Variants in TRRAP observed in about 807,000 individuals in gnomAD.
TRRAP encodes transformation/transcription domain associated protein.
A neutral mutation model predicts 438.8 loss-of-function variants in TRRAP; 41 were observed. That is an observed-to-expected ratio of 0.09 (90% CI 0.07 to 0.12). The LOEUF (loss-of-function observed/expected upper bound fraction) is 0.12, where lower values mean the gene tolerates loss of function less well. TRRAP is among the 10% of genes least tolerant of loss of function. The pLI, the probability that TRRAP is intolerant of heterozygous loss-of-function variation, is 1.00. For missense variants in TRRAP, 3,122 were observed against 5,055.1 expected, an observed-to-expected ratio of 0.62 and a Z score of 11.60; for synonymous variants, 1,994 against 1,962.9, an observed-to-expected ratio of 1.02 and a Z score of -0.42.
chr7:98,879,608 G>A (rs1795327511), intron 1 of TRRAP, among the ~76,000 whole-genome samples: 1 of 152,192 alleles, frequency 6.6e-6, no homozygotes. Flanking sequence ...GCCTTGGGCC[G>A]ATGGAGATGG....
intron 3 of TRRAP, among the ~76,000 whole-genome samples, chr7:98,886,379 T>C (rs1011127424): frequency 6.6e-6 from 1 of 151,498 alleles, no homozygotes; most frequent in African/African-American, 2.4e-5. Context: ...GATATAGATA[T>C]CTAGAGAGAT....
intron 16 of TRRAP, 89 bp from the exon 17 acceptor site, chr7:98,910,988 A>T: frequency 8.9e-7 from 1 of 1,125,600 alleles, no homozygotes. Flanking sequence ...GCTCTATTTT[A>T]AGTATGCAGC....
At chr7:98,943,137 C>G in intron 31 of TRRAP, 120 bp downstream of exon 31, 1 of 978,264 alleles carries the variant, frequency 1.0e-6, no homozygotes, top group East Asian at 2.6e-5. Flanking sequence ...GATTGTAGTC[C>G]TTGTAAATTG....
At chr7:98,978,375 G>C (rs1792765545) in intron 57 of TRRAP, 52 bp downstream of exon 57, 2 of 1,497,098 alleles carry the variant, frequency 1.3e-6, no homozygotes, top group African/African-American at 2.8e-5. Flanking sequence ...AGGGAACCAG[G>C]GAAAAATCTC....
rs1465956669 is a variant in TRRAP at position 99,003,535 on chromosome 7, C to T, written c.10310-655C>T. On this transcript the variant is annotated intron_variant, in intron 67 of 72. Coordinates refer to ENST00000456197, the MANE Select transcript of TRRAP (RefSeq NM_001375524.1). ...CTCCTGGTTGTTGGGTTTCACAGGCCGCCCTCAGGCTCCTGTGTCTCCCAG... is the reference window on the plus strand; with the variant it reads ...CTCCTGGTTGTTGGGTTTCACAGGCTGCCCTCAGGCTCCTGTGTCTCCCAG... Among the ~76,000 whole-genome samples the T allele has an allele frequency of 3.3e-5, 5 of 152,158 alleles. No homozygotes were observed. The South Asian group carries it at 6.2e-4, about 19-fold the overall frequency.
chr7:98,984,522 G>A (rs1459094690), intron 61 of TRRAP, among the ~76,000 whole-genome samples, 164 bp downstream of exon 61: 3 of 152,078 alleles, frequency 2.0e-5, no homozygotes, highest in Non-Finnish European at 4.4e-5. Flanking sequence ...AACACAAAAG[G>A]GAAAGGAAGC....
At chr7:98,901,339 C>T (rs1796458370) in intron 11 of TRRAP, among the ~76,000 whole-genome samples, 1 of 152,200 alleles carries the variant, frequency 6.6e-6, no homozygotes, top group East Asian at 1.9e-4. Flanking sequence ...AGCCGTATGA[C>T]CTCACTGAAC....
At position 98,892,470 on chromosome 7, in the gene TRRAP, A is replaced by G; in HGVS notation, c.308A>G (p.Asn103Ser). The change falls in exon 5 of 73, where the codon AAC becomes AGC. Residue 103 changes from asparagine (N) to serine (S), a missense_variant. This residue lies in a region of TRRAP where 343 missense variants were observed against 564.0 expected (regional missense o/e 0.61). Transcript: ENST00000456197. ...VLEIIHRIPT[N>S]EHLRPHTKNV... ...GAAATAATTCATAGAATACCAACCAACGAACATCTTCGTCCTCACACAAAA... is the reference window on the plus strand; with the variant it reads ...GAAATAATTCATAGAATACCAACCAGCGAACATCTTCGTCCTCACACAAAA... 14 of 1,612,068 alleles carry G rather than the reference A, an allele frequency of 8.7e-6. No individual in the cohort carries two copies. Among genetic ancestry groups the G allele is most frequent in the Non-Finnish European group, 1.2e-5 (14 of 1,179,656 alleles).
chr7:98,966,404 A>G (rs901974634), intron 49 of TRRAP, among the ~76,000 whole-genome samples: 1 of 151,972 alleles, frequency 6.6e-6, no homozygotes, highest in African/African-American at 2.4e-5. Flanking sequence ...TCCTCTTAAA[A>G]TGTTAAATGA....
At chr7:98,964,925 G>A in intron 48 of TRRAP, 150 bp downstream of exon 48, 1 of 1,067,816 alleles carries the variant, frequency 9.4e-7, no homozygotes, top group Non-Finnish European at 1.3e-6. Flanking sequence ...GCTCTTCAAT[G>A]TAGGGGTTTA....
In TRRAP at chr7:98,964,898, G is replaced by A. The variant is rs150948401; in HGVS notation, c.6976+123G>A. ...ATTCACCAAGTCCTGTTGTTTGGTC[G>A]TAAATCGTTACCATTTGCTCTTCAA... is the stretch of plus-strand genomic sequence containing the variant. On this transcript the variant is annotated intron_variant, in intron 48 of 72. Transcript: ENST00000456197. 2.9e-4 allele frequency: 358 copies of A among 1,231,992 alleles called. No homozygotes were observed. The African/African-American group carries it at 4.1e-3, about 14-fold the overall frequency. 76.3% of individuals were successfully genotyped at this position (1,231,992 alleles called of 1,614,324 possible). A position where few individuals can be genotyped will look rare whatever the true frequency, so the allele number is the denominator to read the frequency against.
Position 98,961,286 on chromosome 7 carries a change from G to A in TRRAP, c.6515G>A (p.Gly2172Glu). The change falls in exon 46 of 73, where the codon GGG (glycine) becomes GAG (glutamate). Residue 2172 changes from glycine (G) to glutamate (E), a missense_variant. Gly to Glu is a moderately conservative substitution (Grantham distance 98). Coordinates refer to ENST00000456197, the MANE Select transcript of TRRAP (RefSeq NM_001375524.1). Reference sequence around the variant, plus strand: ...GAGCAGCCAAACCAAGTGAACTATGGGAATATCTGCACGGGCCTAGAAGTG... The same window carrying A: ...GAGCAGCCAAACCAAGTGAACTATGAGAATATCTGCACGGGCCTAGAAGTG... ...TVEQPNQVNY[G>E]NICTGLEVLS... 1 of 1,614,156 alleles carries A rather than the reference G, an allele frequency of 6.2e-7. No individual in the cohort carries two copies. Among genetic ancestry groups the A allele is most frequent in the South Asian group, 1.1e-5 (1 of 91,074 alleles).
intron 38 of TRRAP, 126 bp from the exon 39 acceptor site, chr7:98,950,750 A>T: frequency 2.6e-6 from 3 of 1,155,080 alleles, no homozygotes; most frequent in Non-Finnish European, 3.5e-6. Flanking sequence ...CAAGGTTGGT[A>T]GTCACACCCT....
chr7:98,902,936 G>A (rs373270356), intron 11 of TRRAP, among the ~76,000 whole-genome samples: 8 of 148,900 alleles, frequency 5.4e-5, no homozygotes, highest in African/African-American at 2.0e-4. Context: ...AGAAAATTAG[G>A]CATGGTGGTA....
intron 68 of TRRAP, 96 bp downstream of exon 68, chr7:99,004,511 G>C: frequency 5.6e-6 from 6 of 1,068,484 alleles, no homozygotes; most frequent in Non-Finnish European, 8.2e-6. Flanking sequence ...GGGAATTTTG[G>C]ACACAGATTC....
At position 98,956,088 on chromosome 7, in the gene TRRAP, C is replaced by T; in HGVS notation, c.5938-58C>T. The T allele has an allele frequency of 1.3e-6, 2 of 1,565,496 alleles. No individual in the cohort carries two copies. Among genetic ancestry groups the T allele is most frequent in the Non-Finnish European group, 8.6e-7 (1 of 1,159,828 alleles). On this transcript the variant is annotated intron_variant, in intron 41 of 72. Coordinates refer to ENST00000456197, the MANE Select transcript of TRRAP (RefSeq NM_001375524.1). This position sits in a 1 kb window ranked among gnomAD's most constrained non-coding sequence, Gnocchi z 4.5. ...GTGTGTGTGCACGTGCGCACACGTG[C>T]ATGCACTGTGGGACCAAGCTCCCAT...
intron 3 of TRRAP, among the ~76,000 whole-genome samples, chr7:98,886,535 T>C (rs539964737): frequency 6.6e-6 from 1 of 152,036 alleles, no homozygotes; most frequent in Non-Finnish European, 1.5e-5. Context: ...TCTAGAGAGA[T>C]AGTATATAGC....
At chr7:98,974,567 G>A (rs1792565034) in intron 53 of TRRAP, among the ~76,000 whole-genome samples, 1 of 152,180 alleles carries the variant, frequency 6.6e-6, no homozygotes, top group Non-Finnish European at 1.5e-5. Flanking sequence ...ACAAGCCATG[G>A]ACTTGGGGAG....
At position 98,910,221 on chromosome 7, in the gene TRRAP, C is replaced by T. The variant is rs782537242; in HGVS notation, c.1516C>T (p.Pro506Ser). 6.6e-7 allele frequency: 1 copy of T among 1,507,528 alleles called. No homozygotes were observed. Among genetic ancestry groups the T allele is most frequent in the Non-Finnish European group, 8.9e-7 (1 of 1,128,348 alleles). 93.4% of individuals were successfully genotyped at this position (1,507,528 alleles called of 1,614,324 possible). ...TCCCTCCCCAGCCCCTGTCCCTGCC[C>T]CACCTCCACCCCCGCCCCCACCCCC... The part of the protein sequence containing the change: ...PAPSPAPVPA[P>S]PPPPPPPPPA... The change falls in exon 15 of 73, where the codon CCA becomes TCA. Residue 506 changes from proline to serine, a missense_variant. Physicochemically the swap from Pro to Ser is moderately conservative, Grantham distance 74 (BLOSUM62 -1). This residue lies in a region of TRRAP where 115 missense variants were observed against 124.6 expected (regional missense o/e 0.92). Coordinates refer to ENST00000456197, the MANE Select transcript of TRRAP (RefSeq NM_001375524.1).
Sources: allele counts gnomAD v4.1 joint callset (sites outside exome capture counted in the v4.1 genomes callset), GRCh38; gene constraint gnomAD v4.1.1; regional missense constraint gnomAD v4.1.1; non-coding constraint Gnocchi (gnomAD v3.1); transcripts MANE v1.5; gene names NCBI Gene and HGNC (gene_info 2026-07-23, HGNC 2026-07-21).